The following NOX4 variants were observed in gnomAD, a reference collection of about 807,000 sequenced individuals.
NOX4 encodes kidney oxidase-1.
In NOX4, 69 loss-of-function variants were observed where a neutral mutation model predicts 87.6. The ratio of observed to expected loss-of-function variants is 0.79; its 90% confidence interval spans 0.65 to 0.96. NOX4 has a LOEUF of 0.96. Ranked by LOEUF, NOX4 falls within the 40% of genes least tolerant of loss-of-function variation. The pLI is 0.00. For missense variants in NOX4, 680 were observed against 681.5 expected, an observed-to-expected ratio of 1.00 and a Z score of 0.02; for synonymous variants, 275 against 238.2, an observed-to-expected ratio of 1.15 and a Z score of -1.42.
At chr11:89,353,750 G>T (rs915500436) in intron 13 of NOX4, among the ~76,000 whole-genome samples, 3 of 152,114 alleles carry the variant, frequency 2.0e-5, no homozygotes, top group African/African-American at 7.2e-5. Context: ...GTAAGCCTAA[G>T]AGGCAGAAAA....
At chr11:89,494,432 C>T (rs1946925232), upstream of NOX4, among the ~76,000 whole-genome samples, 1 of 152,066 alleles carries the variant, frequency 6.6e-6, no homozygotes, top group Admixed American at 6.6e-5. Flanking sequence ...CTGCATTTTC[C>T]ACAAATTAAT....
Position 89,490,583 on chromosome 11 carries a change from A to T in NOX4, c.58-30T>A, listed in dbSNP as rs146149402. On this transcript the variant is annotated intron_variant, in intron 1 of 17. Coordinates refer to ENST00000263317, the MANE Select transcript of NOX4 (RefSeq NM_016931.5). ...ACCAATCAGACATGAGAGACAGAAAACAAAAATTGAAAATAATTATTACCT... is the reference window on the plus strand; with the variant it reads ...ACCAATCAGACATGAGAGACAGAAATCAAAAATTGAAAATAATTATTACCT... The T allele has an allele frequency of 6.8e-4, 1,038 of 1,524,508 alleles. 8 individuals are homozygous for T. The African/African-American group carries it at 0.013, about 19-fold the overall frequency. 94.4% of individuals were successfully genotyped at this position (1,524,508 alleles called of 1,614,324 possible).
chr11:89,550,567 T>C, the NOX4 span, among the ~76,000 whole-genome samples: 3 of 152,262 alleles, frequency 2.0e-5, no homozygotes, highest in African/African-American at 7.2e-5. Context: ...CTTTTTTTCA[T>C]ATGTTTCTTG....
At chr11:89,450,808 G>T (rs1290442205) in intron 3 of NOX4, among the ~76,000 whole-genome samples, 2 of 148,756 alleles carry the variant, frequency 1.3e-5, no homozygotes, top group Non-Finnish European at 3.0e-5. Flanking sequence ...TAAAGACTTG[G>T]AACCAACCCA....
the NOX4 span, among the ~76,000 whole-genome samples, chr11:89,517,110 C>T: frequency 9.9e-5 from 15 of 152,144 alleles, no homozygotes; most frequent in Non-Finnish European, 1.5e-4. Flanking sequence ...TCCACCATTA[C>T]CAGAAATACT....
At chr11:89,469,492 C>T (rs1945836924) in intron 2 of NOX4, among the ~76,000 whole-genome samples, 1 of 152,008 alleles carries the variant, frequency 6.6e-6, no homozygotes, top group African/African-American at 2.4e-5. Flanking sequence ...TTAATCAAAC[C>T]AAATGATGCC....
At chr11:89,461,321 T>C (rs1945452715) in intron 2 of NOX4, among the ~76,000 whole-genome samples, 1 of 151,226 alleles carries the variant, frequency 6.6e-6, no homozygotes, top group African/African-American at 2.4e-5. Flanking sequence ...AAAAAAAGAA[T>C]ATGAAACAAA....
chr11:89,382,851 T>C (rs886831546), intron 11 of NOX4, among the ~76,000 whole-genome samples: 1 of 152,142 alleles, frequency 6.6e-6, no homozygotes, highest in African/African-American at 2.4e-5. Context: ...TTAATGCTCC[T>C]TTTTCTTTAT....
At chr11:89,541,502 G>A in the NOX4 span, among the ~76,000 whole-genome samples, 1 of 152,010 alleles carries the variant, frequency 6.6e-6, no homozygotes, top group African/African-American at 2.4e-5. Flanking sequence ...TTCTTTTTAA[G>A]TTAACAAATA....
intron 4 of NOX4, among the ~76,000 whole-genome samples, chr11:89,448,957 A>C (rs1376538441): frequency 6.6e-6 from 1 of 152,178 alleles, no homozygotes. Flanking sequence ...GAAAACTTTT[A>C]GTCTGTTTCT....
chr11:89,476,048 T>C (rs539966968), intron 2 of NOX4, among the ~76,000 whole-genome samples: 11 of 152,340 alleles, frequency 7.2e-5, no homozygotes, highest in Admixed American at 2.6e-4. Context: ...TCCACTCATA[T>C]TCCATCTCAC....
intron 5 of NOX4, among the ~76,000 whole-genome samples, chr11:89,441,959 A>G (rs1358643240): frequency 6.8e-6 from 1 of 147,880 alleles, no homozygotes; most frequent in Non-Finnish European, 1.5e-5. Context: ...ATATATATAT[A>G]TATATATATA....
At chr11:89,546,987 C>T in the NOX4 span, among the ~76,000 whole-genome samples, 1 of 152,138 alleles carries the variant, frequency 6.6e-6, no homozygotes, top group Non-Finnish European at 1.5e-5. Flanking sequence ...TAAGTATTTT[C>T]TTCTTGTAGA....
At chr11:89,509,836 A>G in the NOX4 span, among the ~76,000 whole-genome samples, 2 of 151,868 alleles carry the variant, frequency 1.3e-5, no homozygotes, top group African/African-American at 2.4e-5. Context: ...ATTGTAATCA[A>G]CTCAAGGGCT....
intron 13 of NOX4, among the ~76,000 whole-genome samples, chr11:89,353,541 C>G (rs934402951): frequency 2.6e-5 from 4 of 151,990 alleles, no homozygotes; most frequent in African/African-American, 7.3e-5. Context: ...TAAAAGACTA[C>G]AGAATACTGT....
At chr11:89,516,207 C>T in the NOX4 span, among the ~76,000 whole-genome samples, 1 of 152,044 alleles carries the variant, frequency 6.6e-6, no homozygotes, top group Admixed American at 6.6e-5. Flanking sequence ...TGTGCTATCA[C>T]ATGTATTGCA....
At position 89,332,913 on chromosome 11, in the gene NOX4, AT is replaced by A. The variant is rs751582331; in HGVS notation, c.1616+2931del. 4.4e-4 allele frequency among the ~76,000 whole-genome samples: 67 copies of A among 151,986 alleles called. 1 individual carries two copies. The highest frequency in any genetic ancestry group is 2.2e-3 in the Admixed American group (34 of 15,214). On this transcript the variant is annotated intron_variant, in intron 17 of 17. Transcript: ENST00000263317. ...TACCATCATATAATTCAATTTCTGAATTTAAAAAAAGCAACAAAAGAAAGGA... is the reference window on the plus strand; with the variant it reads ...TACCATCATATAATTCAATTTCTGAATTAAAAAAAGCAACAAAAGAAAGGA...
intron 8 of NOX4, among the ~76,000 whole-genome samples, chr11:89,416,267 C>A (rs888073801): frequency 2.6e-5 from 4 of 152,068 alleles, no homozygotes; most frequent in African/African-American, 9.7e-5. Flanking sequence ...AAATTTTCTC[C>A]CTCAGTACTA....
chr11:89,567,023 A>C, the NOX4 span, among the ~76,000 whole-genome samples: 1 of 152,062 alleles, frequency 6.6e-6, no homozygotes, highest in East Asian at 1.9e-4. Flanking sequence ...ATAGCCAGGG[A>C]TGCACATCCT....
Sources: gnomAD v4.1 joint callset for allele counts (sites outside exome capture counted in the v4.1 genomes callset) on GRCh38, gnomAD v4.1.1 for gene constraint, MANE v1.5 for transcripts, NCBI Gene and HGNC (gene_info 2026-07-23, HGNC 2026-07-21) for gene names.